The following SCAMP1 variants were observed in gnomAD, a reference collection of about 807,000 sequenced individuals.
SCAMP1 encodes secretory carrier membrane protein 1, also known as secretory carrier-associated membrane protein 1.
Under a neutral mutation model 41.8 loss-of-function variants are expected in SCAMP1, and 15 were observed. That is an observed-to-expected ratio of 0.36 (90% CI 0.24 to 0.55). The LOEUF (loss-of-function observed/expected upper bound fraction) is 0.55, where lower values mean the gene tolerates loss of function less well. SCAMP1 is among the 20% of genes least tolerant of loss of function. The probability of loss-of-function intolerance (pLI) is 0.86; values close to 1 mark genes in which losing one functional copy is unlikely to be tolerated. For synonymous variants in SCAMP1, 135 were observed against 136.8 expected (o/e 0.99, Z 0.09); for missense variants, 341 against 412.6 (o/e 0.83, Z 1.50).
intron 1 of SCAMP1, among the ~76,000 whole-genome samples, chr5:78,362,777 TA>T (rs2112030493): frequency 6.6e-6 from 1 of 152,314 alleles, no homozygotes; most frequent in South Asian, 2.1e-4. Context: ...TTTGTCTTTT[TA>T]CTTCTGCTTA....
intron 1 of SCAMP1, among the ~76,000 whole-genome samples, chr5:78,383,210 A>G (rs1751253888): frequency 6.6e-6 from 1 of 151,934 alleles, no homozygotes; most frequent in African/African-American, 2.4e-5. Flanking sequence ...AGCATTTTTC[A>G]TATGTTTATG....
At chr5:78,393,431 C>T (rs1751568403) in intron 2 of SCAMP1, among the ~76,000 whole-genome samples, 1 of 152,210 alleles carries the variant, frequency 6.6e-6, no homozygotes, top group African/African-American at 2.4e-5. Context: ...CTTGGCCACC[C>T]AAAGTGCTGG....
chr5:78,408,024 A>G (rs1751976369), intron 2 of SCAMP1, among the ~76,000 whole-genome samples: 1 of 152,214 alleles, frequency 6.6e-6, no homozygotes, highest in Admixed American at 6.5e-5. Context: ...GATTTAAATC[A>G]TAAGCCAAAG....
At chr5:78,422,663 A>G (rs1408064356) in intron 6 of SCAMP1, among the ~76,000 whole-genome samples, 1 of 152,178 alleles carries the variant, frequency 6.6e-6, no homozygotes, top group Non-Finnish European at 1.5e-5. Flanking sequence ...ACACTCTTTA[A>G]GTACCTAGTA....
At chr5:78,464,062 C>T (rs1175691600) in intron 8 of SCAMP1, among the ~76,000 whole-genome samples, 3 of 152,178 alleles carry the variant, frequency 2.0e-5, no homozygotes, top group Non-Finnish European at 4.4e-5. Flanking sequence ...ACTGCAGCCT[C>T]CGCCTCCCGG....
At chr5:78,379,840 A>G (rs1408703981) in intron 1 of SCAMP1, among the ~76,000 whole-genome samples, 3 of 152,224 alleles carry the variant, frequency 2.0e-5, no homozygotes, top group African/African-American at 7.2e-5. Context: ...AGCAGGATTC[A>G]TCTTTCTGAT....
At chr5:78,371,456 A>G (rs149657340) in intron 1 of SCAMP1, among the ~76,000 whole-genome samples, 21 of 152,330 alleles carry the variant, frequency 1.4e-4, no homozygotes, top group African/African-American at 4.8e-4. Context: ...CTTGTCAAAA[A>G]TCTCAGTATT....
At chr5:78,371,521 T>C (rs1018712770) in intron 1 of SCAMP1, among the ~76,000 whole-genome samples, 8 of 152,220 alleles carry the variant, frequency 5.3e-5, no homozygotes, top group Non-Finnish European at 1.2e-4. Context: ...AAAGCCCTCA[T>C]ATTTCATGCA....
chr5:78,457,198 C>G (rs1030566395), intron 7 of SCAMP1, among the ~76,000 whole-genome samples: 3 of 152,158 alleles, frequency 2.0e-5, no homozygotes, highest in Non-Finnish European at 4.4e-5. Context: ...CAAAGTCATT[C>G]TCCATCCAGC....
intron 2 of SCAMP1, among the ~76,000 whole-genome samples, chr5:78,402,548 C>G (rs1223427608): frequency 1.3e-5 from 2 of 152,104 alleles, no homozygotes; most frequent in East Asian, 3.9e-4. Flanking sequence ...GGAGAATTGA[C>G]CCATGTGTCA....
intron 1 of SCAMP1, among the ~76,000 whole-genome samples, chr5:78,387,156 C>CT (rs1269953780): frequency 6.6e-6 from 1 of 151,942 alleles, no homozygotes; most frequent in African/African-American, 2.4e-5. Flanking sequence ...TTTTAAAACT[C>CT]TTTTTTTCTT....
At chr5:78,381,606 CT>C (rs1214134274) in intron 1 of SCAMP1, among the ~76,000 whole-genome samples, 2 of 152,184 alleles carry the variant, frequency 1.3e-5, no homozygotes, top group African/African-American at 4.8e-5. Context: ...GCTGCTTACA[CT>C]TTTGGGTAAA....
At chr5:78,423,007 C>T (rs948007225) in intron 6 of SCAMP1, among the ~76,000 whole-genome samples, 3 of 39,458 alleles carry the variant, frequency 7.6e-5, no homozygotes, top group Non-Finnish European at 1.7e-4. Flanking sequence ...GTGTAACACA[C>T]GCGCGCGCGC....
intron 1 of SCAMP1, among the ~76,000 whole-genome samples, chr5:78,362,165 A>C (rs1233733461): frequency 6.6e-6 from 1 of 152,170 alleles, no homozygotes; most frequent in East Asian, 1.9e-4. Flanking sequence ...TAGTTCTTAA[A>C]TGGTAGACTT....
At chr5:78,401,140 T>G (rs1391298346) in intron 2 of SCAMP1, among the ~76,000 whole-genome samples, 1 of 152,198 alleles carries the variant, frequency 6.6e-6, no homozygotes, top group Non-Finnish European at 1.5e-5. Context: ...ATGAATTACA[T>G]TAATTGAATT....
intron 8 of SCAMP1, among the ~76,000 whole-genome samples, chr5:78,460,757 C>CGTCCG (rs1339442901): frequency 4.5e-4 from 14 of 30,978 alleles, no homozygotes; most frequent in African/African-American, 2.5e-3. Flanking sequence ...TCCTTCCTTC[C>CGTCCG]TTCCTTCCTT....
chr5:78,419,047 T>C (rs1752275670), intron 5 of SCAMP1, 144 bp downstream of exon 5: 2 of 712,672 alleles, frequency 2.8e-6, no homozygotes, highest in Non-Finnish European at 4.5e-6. Flanking sequence ...GAGTGAAACA[T>C]ATCCTATTTA....
intron 1 of SCAMP1, among the ~76,000 whole-genome samples, chr5:78,388,153 C>T (rs188874432): frequency 6.6e-5 from 10 of 152,314 alleles, no homozygotes; most frequent in East Asian, 1.9e-4. Context: ...TAGGTCTCCA[C>T]GTGCTGCTCT....
Position 78,421,922 on chromosome 5 carries a change from A to C in SCAMP1, c.594A>C (p.Ser198=). ...GGTTCTTGCTTTTTACTCCTTGTTC[A>C]TTTGTCTGTTGGTACAGACCACTTT... ...ILWFLLFTPC[S]FVCWYRPLYG... The change falls in exon 6 of 9, where the codon TCA becomes TCC. Residue 198 remains serine, a synonymous_variant. Transcript: ENST00000621999. 6.2e-7 allele frequency: 1 copy of C among 1,613,594 alleles called. No homozygotes were observed. The highest frequency in any genetic ancestry group is 1.1e-5 in the South Asian group (1 of 91,066).
Sources: allele counts gnomAD v4.1 joint callset (sites outside exome capture counted in the v4.1 genomes callset), GRCh38; gene constraint gnomAD v4.1.1; transcripts MANE v1.5; gene names NCBI Gene and HGNC (gene_info 2026-07-23, HGNC 2026-07-21).